The following GTF2F2 variants were observed in gnomAD, a reference collection of about 807,000 sequenced individuals.
The protein encoded by GTF2F2 is ATP-dependent helicase GTF2F2.
In GTF2F2, 23 loss-of-function variants were observed where a neutral mutation model predicts 42.2. That is an observed-to-expected ratio of 0.55 (90% confidence interval 0.39 to 0.77). GTF2F2 has a LOEUF of 0.77. Ranked by LOEUF, GTF2F2 falls within the 30% of genes least tolerant of loss-of-function variation. The pLI is 0.00. For missense variants in GTF2F2, 261 were observed against 287.2 expected (o/e 0.91, Z 0.66); for synonymous variants, 105 against 100.8 (o/e 1.04, Z -0.25).
chr13:45,235,855 T>TCAGCCTCCCA (rs1874951497), intron 5 of GTF2F2, among the ~76,000 whole-genome samples: 1 of 152,092 alleles, frequency 6.6e-6, no homozygotes, highest in South Asian at 2.1e-4. Context: ...TCGGCCCCCC[T>TCAGCCTCCCA]CAGCCTCCCA....
chr13:45,165,172 A>G (rs1293693080), intron 4 of GTF2F2, among the ~76,000 whole-genome samples: 3 of 151,552 alleles, frequency 2.0e-5, no homozygotes, highest in African/African-American at 4.8e-5. Flanking sequence ...ATAAAGAGAA[A>G]TAGAATGGAA....
chr13:45,160,540 A>T (rs886873830), intron 4 of GTF2F2, among the ~76,000 whole-genome samples: 16 of 152,194 alleles, frequency 1.1e-4, no homozygotes, highest in African/African-American at 3.9e-4. Context: ...TACATCCATC[A>T]TCTGGAGACT....
intron 4 of GTF2F2, chr13:45,206,498 A>G (rs1326700559): frequency 1.3e-5 from 2 of 152,212 alleles, no homozygotes; most frequent in Non-Finnish European, 2.9e-5. Flanking sequence ...TGAATCATAA[A>G]TGCACTACTC....
intron 6 of GTF2F2, among the ~76,000 whole-genome samples, chr13:45,260,744 G>T (rs1876304695): frequency 6.6e-6 from 1 of 152,208 alleles, no homozygotes; most frequent in African/African-American, 2.4e-5. Flanking sequence ...AATAGGCTGG[G>T]CGTGGTGGTT....
chr13:45,176,323 T>TA (rs952260729), intron 4 of GTF2F2, among the ~76,000 whole-genome samples: 7 of 152,162 alleles, frequency 4.6e-5, no homozygotes, highest in African/African-American at 1.4e-4. Context: ...ATTATATTTA[T>TA]AAAAAAATCT....
chr13:45,283,359 T>A, intron 7 of GTF2F2, 83 bp from the exon 8 acceptor site: 4 of 1,237,252 alleles, frequency 3.2e-6, no homozygotes, highest in Non-Finnish European at 4.5e-6. Context: ...GGCTTGCATA[T>A]GTGCTTTGGC....
intron 4 of GTF2F2, among the ~76,000 whole-genome samples, chr13:45,163,996 A>G (rs1266856685): frequency 6.6e-6 from 1 of 152,196 alleles, no homozygotes; most frequent in Non-Finnish European, 1.5e-5. Flanking sequence ...TCTACTGAAA[A>G]TACAAAAATT....
intron 4 of GTF2F2, among the ~76,000 whole-genome samples, chr13:45,168,916 T>TTCCC (rs1871452509): frequency 3.1e-5 from 3 of 96,594 alleles, no homozygotes; most frequent in Admixed American, 1.3e-4. Flanking sequence ...TCCTCCTTCC[T>TTCCC]TCCCTCCCTC....
chr13:45,149,830 T>C lies in GTF2F2; in HGVS notation c.159+42T>C. ...GGAAATTTTAGTTAAAACTTGAGACTATCTTTTCATTAATAATAGTGAAAA... is the reference window on the plus strand; with the variant it reads ...GGAAATTTTAGTTAAAACTTGAGACCATCTTTTCATTAATAATAGTGAAAA... On this transcript the variant is annotated intron_variant, in intron 3 of 7. Transcript: ENST00000340473. 2.0e-6 allele frequency: 3 copies of C among 1,466,758 alleles called. No individual in the cohort carries two copies. In the South Asian group the frequency reaches 4.1e-5, roughly 20 times the overall value. 90.9% of individuals were successfully genotyped at this position (1,466,758 alleles called of 1,614,324 possible).
chr13:45,204,614 G>T (rs1350936207), intron 4 of GTF2F2, among the ~76,000 whole-genome samples: 1 of 152,214 alleles, frequency 6.6e-6, no homozygotes, highest in Non-Finnish European at 1.5e-5. Flanking sequence ...GTGTGGTTTA[G>T]TGGAAAGAAT....
chr13:45,240,971 A>G (rs1431589086), intron 5 of GTF2F2, among the ~76,000 whole-genome samples: 1 of 132,858 alleles, frequency 7.5e-6, no homozygotes, highest in Non-Finnish European at 1.6e-5. Flanking sequence ...AAACCCTGTT[A>G]TTACAAAAAA....
intron 5 of GTF2F2, among the ~76,000 whole-genome samples, chr13:45,217,390 A>C (rs1471267313): frequency 6.6e-6 from 1 of 151,734 alleles, no homozygotes; most frequent in East Asian, 1.9e-4. Flanking sequence ...ACCAAACTCC[A>C]GCTACACTTT....
At chr13:45,232,472 A>C (rs1874732375) in intron 5 of GTF2F2, among the ~76,000 whole-genome samples, 1 of 152,002 alleles carries the variant, frequency 6.6e-6, no homozygotes, top group Admixed American at 6.6e-5. Flanking sequence ...ACTAAAAATA[A>C]AATTTTTTTT....
At chr13:45,207,140 C>T (rs1034335495) in intron 4 of GTF2F2, 92 of 297,804 alleles carry the variant, frequency 3.1e-4, no homozygotes, top group African/African-American at 1.9e-3. Context: ...ATTTTATGCC[C>T]TTTTAAGCTA....
chr13:45,120,786 C>G, intron 1 of GTF2F2, 65 bp downstream of exon 1: 1 of 1,197,250 alleles, frequency 8.4e-7, no homozygotes, highest in Non-Finnish European at 1.2e-6. Flanking sequence ...TAACTTGAGC[C>G]TATCCCGCTC....
At chr13:45,169,000 T>G (rs1871460765) in intron 4 of GTF2F2, among the ~76,000 whole-genome samples, 2 of 149,022 alleles carry the variant, frequency 1.3e-5, no homozygotes, top group African/African-American at 2.5e-5. Flanking sequence ...CTTCCCTCTT[T>G]CCCTCCTTCC....
chr13:45,225,376 C>CTAAA (rs1177348021), intron 5 of GTF2F2, among the ~76,000 whole-genome samples: 2 of 149,778 alleles, frequency 1.3e-5, no homozygotes, highest in Non-Finnish European at 2.9e-5. Flanking sequence ...GATAAAATGA[C>CTAAA]TAAATACTTT....
chr13:45,187,582 C>CAAAAA, intron 4 of GTF2F2, among the ~76,000 whole-genome samples: 2 of 152,124 alleles, frequency 1.3e-5, no homozygotes, highest in Non-Finnish European at 2.9e-5. Flanking sequence ...TCTGTCCAGC[C>CAAAAA]TATTTTCCTT....
chr13:45,220,253 C>G (rs1258051829), intron 5 of GTF2F2, among the ~76,000 whole-genome samples: 1 of 152,152 alleles, frequency 6.6e-6, no homozygotes, highest in African/African-American at 2.4e-5. Flanking sequence ...GCTTTTGTTA[C>G]TTCCCTATAT....
Sources: gnomAD v4.1 joint callset for allele counts (sites outside exome capture counted in the v4.1 genomes callset) on GRCh38, gnomAD v4.1.1 for gene constraint, MANE v1.5 for transcripts, NCBI Gene and HGNC (gene_info 2026-07-23, HGNC 2026-07-21) for gene names.